The following NKTR variants were observed in gnomAD, a reference collection of about 807,000 sequenced individuals.
NKTR encodes the protein NK-tumor recognition protein.
In NKTR, 67 loss-of-function variants were observed where a neutral mutation model predicts 156.3. The ratio of observed to expected loss-of-function variants is 0.43; its 90% confidence interval spans 0.35 to 0.53. NKTR has a LOEUF of 0.53. Ranked by LOEUF, NKTR falls within the 20% of genes least tolerant of loss-of-function variation. NKTR has a pLI of 0.01. For synonymous variants in NKTR, 640 were observed against 596.6 expected, an observed-to-expected ratio of 1.07 and a Z score of -1.06; for missense variants, 1,604 against 1,730.9, an observed-to-expected ratio of 0.93 and a Z score of 1.30.
chr3:42,619,010 T>C lies in NKTR; in HGVS notation c.134-10T>C. On this transcript the variant is annotated splice_polypyrimidine_tract_variant and intron_variant, in intron 3 of 16. Transcript: ENST00000232978. Reference sequence around the variant, plus strand: ...TAAACTTCATTTCTTTTTTTTTTTTTTTTTTCCAGGAGAGAAAGGCCTTGG... The same window carrying C: ...TAAACTTCATTTCTTTTTTTTTTTTCTTTTTCCAGGAGAGAAAGGCCTTGG... 6.4e-7 allele frequency: 1 copy of C among 1,566,698 alleles called. No individual in the cohort carries two copies. The highest frequency in any genetic ancestry group is 8.6e-7 in the Non-Finnish European group (1 of 1,164,062).
In NKTR at chr3:42,610,545, T is replaced by A. The variant is rs115489564; in HGVS notation, c.59-7025T>A. 2.6e-3 allele frequency among the ~76,000 whole-genome samples: 401 copies of A among 152,190 alleles called. 2 individuals are homozygous for A. Among genetic ancestry groups the A allele is most frequent in the African/African-American group, 9.2e-3 (383 of 41,560 alleles). On this transcript the variant is annotated intron_variant, in intron 2 of 16. Transcript: ENST00000232978. ...AAAATTTATTTTGTTGTTTCTGTAG[T>A]AGATATGAATGTTGAATTTCACCGT...
In NKTR at chr3:42,609,629, A is replaced by G. The variant is rs538981931; in HGVS notation, c.59-7941A>G. ...TATTTTTGAAGGTTGCAATTAAGTT[A>G]TTATAGGTTACTCTAGGGAATATTG... On this transcript the variant is annotated intron_variant, in intron 2 of 16. Transcript: ENST00000232978. 8.5e-5 allele frequency among the ~76,000 whole-genome samples: 13 copies of G among 152,334 alleles called. No individual in the cohort carries two copies. The South Asian group carries it at 1.9e-3, about 22-fold the overall frequency.
intron 6 of NKTR, chr3:42,628,871 G>A (rs978096059): frequency 8.2e-6 from 2 of 243,824 alleles, no homozygotes. Context: ...GCCTGGTGGC[G>A]CATGCCTATA....
At position 42,638,034 on chromosome 3, in the gene NKTR, C is replaced by T; in HGVS notation, c.2330C>T (p.Ser777Phe). 1.2e-6 allele frequency: 2 copies of T among 1,614,144 alleles called. No individual in the cohort carries two copies. Among genetic ancestry groups the T allele is most frequent in the Non-Finnish European group, 1.7e-6 (2 of 1,180,028 alleles). ...TCACATAAAAAGCATAGCAGCAGCT[C>T]TGAAAAGACACTTCACAGTAAATAT... is the stretch of plus-strand genomic sequence containing the variant. ...SVSHKKHSSS[S>F]EKTLHSKYVK... is the part of the protein sequence containing the mutation. The change falls in exon 13 of 17, where the codon TCT becomes TTT. Residue 777 changes from serine (S) to phenylalanine (F), a missense_variant. Physicochemically the swap from Ser to Phe is radical, Grantham distance 155. Around this residue, in one of 6 missense-constraint regions of NKTR, gnomAD observed 1,255 missense variants for 1,243.7 expected, o/e 1.01. Transcript: ENST00000232978.
chr3:42,603,989 G>C (rs1705905265), intron 2 of NKTR, among the ~76,000 whole-genome samples: 1 of 152,022 alleles, frequency 6.6e-6, no homozygotes, highest in Non-Finnish European at 1.5e-5. Context: ...CGCCCACCTC[G>C]GCCTCCGAAA....
chr3:42,612,711 C>G (rs1706960181), intron 2 of NKTR, among the ~76,000 whole-genome samples: 1 of 152,098 alleles, frequency 6.6e-6, no homozygotes, highest in Non-Finnish European at 1.5e-5. Context: ...TGTTTCACAG[C>G]CTATTCCTTA....
intron 8 of NKTR, 125 bp downstream of exon 8, chr3:42,631,441 C>G: frequency 9.3e-7 from 1 of 1,072,954 alleles, no homozygotes; most frequent in Non-Finnish European, 1.3e-6. Context: ...GAATCATACC[C>G]TACATGTTTA....
At position 42,636,923 on chromosome 3, in the gene NKTR, A is replaced by C. The variant is rs771197739; in HGVS notation, c.1219A>C (p.Arg407=). 6.3e-7 allele frequency: 1 copy of C among 1,587,082 alleles called. No homozygotes were observed. The highest frequency in any genetic ancestry group is 8.5e-7 in the Non-Finnish European group (1 of 1,173,086). ...TGAAAGAAGCTTGTCTCAGAGATCC[A>C]GATCATGGTCCTATAATGGATATTA... ...WDERSLSQRS[R]SWSYNGYYSD... is the part of the protein sequence containing the mutation. The change falls in exon 13 of 17, where the codon AGA becomes CGA. Residue 407 remains arginine, a synonymous_variant. Transcript: ENST00000232978.
rs767767104 is a variant in NKTR, at chr3:42,638,899, C to T, written c.3195C>T (p.Asp1065=). 23 of 1,612,582 alleles carry T rather than the reference C, an allele frequency of 1.4e-5. No homozygotes were observed. Among genetic ancestry groups the T allele is most frequent in the Non-Finnish European group, 1.9e-5 (22 of 1,179,180 alleles). Residue 1065 remains aspartate (D), a synonymous_variant, in exon 13 of 17, where the codon GAC becomes GAT. Transcript: ENST00000232978. ...AAACTGAGAAATCCAGTGAAGAGGA[C>T]CTTTCAGGTAAACATGATACAGTGA... ...ILKTEKSSEE[D]LSGKHDTVTV...
At chr3:42,631,620 A>G (rs1470785714) in intron 8 of NKTR, among the ~76,000 whole-genome samples, 1 of 152,136 alleles carries the variant, frequency 6.6e-6, no homozygotes, top group Non-Finnish European at 1.5e-5. Flanking sequence ...AACTGGTCTC[A>G]TTGCTTATAT....
intron 9 of NKTR, 24 bp downstream of exon 9, chr3:42,632,847 T>G: frequency 6.7e-7 from 1 of 1,500,586 alleles, no homozygotes; most frequent in Non-Finnish European, 8.9e-7. Flanking sequence ...ACCAATGTAC[T>G]CTTACCTAAA....
intron 2 of NKTR, among the ~76,000 whole-genome samples, chr3:42,603,546 T>G (rs567273669): frequency 2.0e-5 from 3 of 152,204 alleles, no homozygotes; most frequent in South Asian, 4.1e-4. Context: ...CCAAGGCAAT[T>G]CATTGTGATA....
At chr3:42,620,832 A>G (rs1431127580) in intron 5 of NKTR, 3 of 985,008 alleles carry the variant, frequency 3.0e-6, no homozygotes, top group South Asian at 4.7e-5. Flanking sequence ...GTACCTTAAA[A>G]TTGTATTTTG....
chr3:42,624,578 T>C (rs1241113610), intron 6 of NKTR, among the ~76,000 whole-genome samples: 2 of 152,110 alleles, frequency 1.3e-5, no homozygotes, highest in Non-Finnish European at 1.5e-5. Flanking sequence ...TGAAAAGTCA[T>C]GTAAAGTCCA....
At chr3:42,642,886 T>G (rs1710014968) in intron 14 of NKTR, among the ~76,000 whole-genome samples, 1 of 152,184 alleles carries the variant, frequency 6.6e-6, no homozygotes, top group African/African-American at 2.4e-5. Flanking sequence ...TACATCTGCA[T>G]TCACCTCTTG....
chr3:42,601,080 G>T lies in NKTR; in HGVS notation c.58+16G>T, dbSNP rs760269547. ...CGGGAGCCGGGTGAGCTGGAAACTG[G>T]GGAGCGCTGCTGGGGCCGAGGCCTG... On this transcript the variant is annotated intron_variant, in intron 2 of 16. Coordinates refer to ENST00000232978, the MANE Select transcript of NKTR (RefSeq NM_005385.4). 1 of 1,556,300 alleles carries T rather than the reference G, an allele frequency of 6.4e-7. No homozygotes were observed. Among genetic ancestry groups the T allele is most frequent in the Admixed American group, 1.9e-5 (1 of 52,392 alleles).
intron 14 of NKTR, 59 bp from the exon 15 acceptor site, chr3:42,643,280 G>T: frequency 7.5e-7 from 1 of 1,331,204 alleles, no homozygotes; most frequent in Non-Finnish European, 1.1e-6. Flanking sequence ...CTAGATATTT[G>T]GTATAGCCTG....
At chr3:42,605,929 A>G (rs1175186487) in intron 2 of NKTR, among the ~76,000 whole-genome samples, 2 of 152,354 alleles carry the variant, frequency 1.3e-5, no homozygotes, top group East Asian at 3.9e-4. Flanking sequence ...ACTTACTCTA[A>G]TAGGGTGGAT....
At chr3:42,600,904 C>A (rs1282624319) in intron 1 of NKTR, 80 bp from the exon 2 acceptor site, 4 of 857,916 alleles carry the variant, frequency 4.7e-6, no homozygotes, top group Admixed American at 4.0e-5. Flanking sequence ...GCGCGGACTT[C>A]GTCTCAGCCC....
Sources: allele counts gnomAD v4.1 joint callset (sites outside exome capture counted in the v4.1 genomes callset), GRCh38; gene constraint gnomAD v4.1.1; regional missense constraint gnomAD v4.1.1; transcripts MANE v1.5; gene names NCBI Gene and HGNC (gene_info 2026-07-23, HGNC 2026-07-21).